The following SLC5A7 variants were observed in gnomAD, a reference collection of about 807,000 sequenced individuals.
The protein encoded by SLC5A7 is high affinity choline transporter 1.
In SLC5A7, 19 loss-of-function variants were observed where a neutral mutation model predicts 55.4. That is an observed-to-expected ratio of 0.34 (90% confidence interval 0.24 to 0.50). The LOEUF is 0.50. Ranked by LOEUF, SLC5A7 falls within the 20% of genes least tolerant of loss-of-function variation. The probability of loss-of-function intolerance (pLI) is 0.98; values close to 1 mark genes in which losing one functional copy is unlikely to be tolerated. For missense variants in SLC5A7, 506 were observed against 705.3 expected (o/e 0.72, Z 3.20); for synonymous variants, 265 against 263.7 (o/e 1.00, Z -0.05).
rs576676949 is a variant in SLC5A7, at chr2:108,004,249, C to G, written c.742-1800C>G. Reference sequence around the variant, plus strand: ...AATATGTAATTTATGATGTATCAATCCATTCAAGTCATTGACATGCAAGAT... The same window carrying G: ...AATATGTAATTTATGATGTATCAATGCATTCAAGTCATTGACATGCAAGAT... On this transcript the variant is annotated intron_variant, in intron 6 of 8. Transcript: ENST00000264047. Among the ~76,000 whole-genome samples the G allele has an allele frequency of 2.8e-4, 42 of 152,210 alleles. No homozygotes were observed. The South Asian group carries it at 8.5e-3, about 31-fold the overall frequency.
Position 108,013,717 on chromosome 2 carries a change from T to C in SLC5A7, c.*2856T>C, listed in dbSNP as rs947274817. The C allele has an allele frequency of 6.6e-6, 1 of 152,180 alleles. No individual in the cohort carries two copies. The highest frequency in any genetic ancestry group is 2.4e-5 in the African/African-American group (1 of 41,470). The allele number at this position is 152,180 out of a possible 1,614,324, so 9.4% of individuals were successfully genotyped here. On this transcript the variant is annotated 3_prime_UTR_variant, in exon 9 of 9. Transcript: ENST00000264047. Reference sequence around the variant, plus strand: ...ACATTAGAAGAAAACATATATTTTATTTTCATACTTTTGATATGATTGTAA... The same window carrying C: ...ACATTAGAAGAAAACATATATTTTACTTTCATACTTTTGATATGATTGTAA...
chr2:108,009,781 T>C (rs1418186543), intron 8 of SLC5A7, among the ~76,000 whole-genome samples: 1 of 152,186 alleles, frequency 6.6e-6, no homozygotes, highest in Non-Finnish European at 1.5e-5. Context: ...TATGTGTGCA[T>C]GTGTCTTTTC....
rs1678330902 is a variant in SLC5A7, at chr2:108,011,574, C to G, written c.*713C>G. 6.6e-6 allele frequency: 1 copy of G among 152,128 alleles called. No homozygotes were observed. 9.4% of individuals were successfully genotyped at this position (152,128 alleles called of 1,614,324 possible). A position where few individuals can be genotyped will look rare whatever the true frequency, so the allele number is the denominator to read the frequency against. On this transcript the variant is annotated 3_prime_UTR_variant, in exon 9 of 9. Transcript: ENST00000264047. Reference sequence around the variant, plus strand: ...CCATAGCTACTATATGCATAAACAACAGTACCTGAAGGATTATTAAGCAAC... The same window carrying G: ...CCATAGCTACTATATGCATAAACAAGAGTACCTGAAGGATTATTAAGCAAC...
At chr2:107,998,656 A>G (rs967804611) in intron 5 of SLC5A7, among the ~76,000 whole-genome samples, 8 of 152,226 alleles carry the variant, frequency 5.3e-5, no homozygotes, top group Admixed American at 3.3e-4. Context: ...AGATGTATCA[A>G]AAGAAGAATA....
chr2:107,991,418 C>A lies in SLC5A7; in HGVS notation c.179-688C>A, dbSNP rs78370811. ...AGGTAACATTTAAACTCACTTTGGA[C>A]ACCTTGTAGTAGAAGTGTCATCTCG... On this transcript the variant is annotated intron_variant, in intron 2 of 8. Transcript: ENST00000264047. 2.5e-3 allele frequency among the ~76,000 whole-genome samples: 383 copies of A among 152,258 alleles called. 17 individuals are homozygous for A. The East Asian group carries it at 0.067, about 26-fold the overall frequency.
At chr2:108,005,971 T>C in intron 6 of SLC5A7, 78 bp from the exon 7 acceptor site, 1 of 1,570,020 alleles carries the variant, frequency 6.4e-7, no homozygotes, top group South Asian at 1.2e-5. Context: ...CTTAGGCCTA[T>C]TCTAAATGTG....
chr2:108,008,532 A>G lies in SLC5A7; in HGVS notation c.963A>G (p.Pro321=), dbSNP rs758323741. ...KTTEEADMIL[P]IVLQYLCPVY... is the part of the protein sequence containing the mutation. ...CAGAAGAGGCAGACATGATTTTACC[A>G]ATTGTTCTGCAGTATCTCTGCCCTG... Residue 321 remains proline (P), a synonymous_variant, in exon 8 of 9, where the codon CCA becomes CCG. Transcript: ENST00000264047. 1.5e-5 allele frequency: 25 copies of G among 1,613,684 alleles called. No individual in the cohort carries two copies. The South Asian group carries it at 2.7e-4, about 18-fold the overall frequency.
chr2:107,995,485 G>A (rs1573597670), intron 4 of SLC5A7, among the ~76,000 whole-genome samples: 3 of 151,836 alleles, frequency 2.0e-5, no homozygotes, highest in Admixed American at 6.6e-5. Context: ...GTGTGTGTGT[G>A]TGTGTGTGTG....
At chr2:108,001,048 C>A (rs1441229523) in intron 5 of SLC5A7, among the ~76,000 whole-genome samples, 1 of 151,436 alleles carries the variant, frequency 6.6e-6, no homozygotes, top group Non-Finnish European at 1.5e-5. Flanking sequence ...CTGCCTCAGC[C>A]TCCCAAGCAG....
intron 6 of SLC5A7, among the ~76,000 whole-genome samples, chr2:108,003,905 G>C (rs559148096): frequency 2.0e-5 from 3 of 152,162 alleles, no homozygotes; most frequent in Non-Finnish European, 4.4e-5. Flanking sequence ...GCATGATTAG[G>C]TTCTAAAGAT....
At chr2:107,989,952 G>C (rs1025388180) in intron 2 of SLC5A7, among the ~76,000 whole-genome samples, 1 of 151,796 alleles carries the variant, frequency 6.6e-6, no homozygotes, top group African/African-American at 2.4e-5. Flanking sequence ...TTTTTATAAA[G>C]GGCCATGATC....
chr2:107,995,970 A>T (rs1677654775), intron 4 of SLC5A7, among the ~76,000 whole-genome samples: 1 of 152,116 alleles, frequency 6.6e-6, no homozygotes, highest in Non-Finnish European at 1.5e-5. Flanking sequence ...ATTTTAGAGA[A>T]AATTTTATCT....
At chr2:107,989,327 A>G (rs1414128966) in intron 2 of SLC5A7, among the ~76,000 whole-genome samples, 1 of 152,222 alleles carries the variant, frequency 6.6e-6, no homozygotes, top group African/African-American at 2.4e-5. Flanking sequence ...GGGCAATTTT[A>G]AAATGATTCA....
chr2:108,010,363 C>T lies in SLC5A7; in HGVS notation c.1245C>T (p.Ile415=), dbSNP rs149442049. The change falls in exon 9 of 9, where the codon ATC becomes ATT. Residue 415 remains isoleucine (I), a synonymous_variant. Transcript: ENST00000264047. Reference sequence around the variant, plus strand: ...ACCTCAGTTCTGACCTTGTTTACATCGTTATCTTCCCCCAGCTGCTTTGTG... The same window carrying T: ...ACCTCAGTTCTGACCTTGTTTACATTGTTATCTTCCCCCAGCTGCTTTGTG... ...LWYLSSDLVY[I]VIFPQLLCVL... is the part of the protein sequence containing the mutation. The T allele has an allele frequency of 1.5e-3, 2,370 of 1,613,898 alleles. 32 individuals are homozygous for T. The African/African-American group carries it at 0.026, about 18-fold the overall frequency.
intron 4 of SLC5A7, 146 bp downstream of exon 4, chr2:107,993,273 G>A: frequency 1.2e-6 from 1 of 848,604 alleles, no homozygotes. Context: ...AAAGCTTAAT[G>A]GAAATTCTAC....
At chr2:107,991,805 G>A (rs1056420374) in intron 2 of SLC5A7, among the ~76,000 whole-genome samples, 24 of 152,134 alleles carry the variant, frequency 1.6e-4, no homozygotes, top group African/African-American at 5.8e-4. Flanking sequence ...AATATAATAT[G>A]AGCCACAAAC....
At position 107,988,779 on chromosome 2, in the gene SLC5A7, A is replaced by G. The variant is rs532083073; in HGVS notation, c.178+446A>G. On this transcript the variant is annotated intron_variant, in intron 2 of 8. Transcript: ENST00000264047. ...AAATAAGTGCCAATGAATACCATCT[A>G]GTGATGGTTTTTAATCTGCATAAAT... Among the ~76,000 whole-genome samples the G allele has an allele frequency of 3.3e-5, 5 of 152,334 alleles. No individual in the cohort carries two copies. The South Asian group carries it at 1.0e-3, about 32-fold the overall frequency.
chr2:107,990,002 CAAAA>C (rs1677389282), intron 2 of SLC5A7, among the ~76,000 whole-genome samples: 1 of 152,000 alleles, frequency 6.6e-6, no homozygotes, highest in Non-Finnish European at 1.5e-5. Context: ...TCTCAGAACT[CAAAA>C]TAACCTTGGT....
At chr2:108,000,813 T>C (rs1014832025) in intron 5 of SLC5A7, among the ~76,000 whole-genome samples, 14 of 151,974 alleles carry the variant, frequency 9.2e-5, no homozygotes, top group African/African-American at 3.4e-4. Flanking sequence ...CAGTCTGGTC[T>C]AGAACTCCCG....
Sources: allele counts gnomAD v4.1 joint callset (sites outside exome capture counted in the v4.1 genomes callset), GRCh38; gene constraint gnomAD v4.1.1; transcripts MANE v1.5; gene names NCBI Gene and HGNC (gene_info 2026-07-23, HGNC 2026-07-21).